PRKCZ: variants seen among roughly 807,000 people sequenced by gnomAD.
PRKCZ encodes protein kinase C zeta, also known as protein kinase C zeta type.
PRKCZ carries 33 observed loss-of-function variants against 79.5 expected under a neutral mutation model. The observed-to-expected ratio is 0.41, with a 90% confidence interval of 0.31 to 0.55. PRKCZ has a LOEUF of 0.55. Among genes scored for constraint, PRKCZ ranks in the 20% least tolerant of loss-of-function variants. The pLI, the probability that PRKCZ is intolerant of heterozygous loss-of-function variation, is 0.19. For synonymous variants in PRKCZ, 342 were observed against 320.9 expected, an observed-to-expected ratio of 1.07 and a Z score of -0.70; for missense variants, 578 against 813.5, an observed-to-expected ratio of 0.71 and a Z score of 3.52.
At chr1:2,060,128 G>A (rs990780855) in intron 4 of PRKCZ, among the ~76,000 whole-genome samples, 3 of 152,250 alleles carry the variant, frequency 2.0e-5, no homozygotes, top group African/African-American at 7.2e-5. Context: ...CTCTCGGGCC[G>A]CGCATCCCAT....
intron 9 of PRKCZ, among the ~76,000 whole-genome samples, chr1:2,155,501 G>T (rs890356081): frequency 6.6e-6 from 1 of 151,458 alleles, no homozygotes; most frequent in East Asian, 1.9e-4. Context: ...TGGTAACAGC[G>T]ACAGTGATGG....
chr1:2,175,640 C>CG (rs1412471678), intron 16 of PRKCZ, among the ~76,000 whole-genome samples: 1 of 151,526 alleles, frequency 6.6e-6, no homozygotes, highest in Non-Finnish European at 1.5e-5. Context: ...TGTGTGAGCT[C>CG]GCGCACCGCC....
chr1:2,050,369 C>G (rs1004183038), upstream of PRKCZ: 1 of 168,704 alleles, frequency 5.9e-6, no homozygotes, highest in African/African-American at 2.4e-5. Context: ...CCGGGACCGC[C>G]CGCCCCGCGG....
chr1:2,065,056 T>C (rs1661005212), intron 4 of PRKCZ, among the ~76,000 whole-genome samples: 1 of 152,234 alleles, frequency 6.6e-6, no homozygotes, highest in African/African-American at 2.4e-5. Context: ...CTTGTACAAG[T>C]CTTTCACCCC....
At chr1:2,121,432 GTAGTTAGAGTCATGGCGGTAGT>G (rs1428026958) in intron 4 of PRKCZ, among the ~76,000 whole-genome samples, 142 of 141,162 alleles carry the variant, frequency 1.0e-3, no homozygotes, top group African/African-American at 3.1e-3. Context: ...CCTTTGACAG[GTAGTTAGAGTCATGGCGGTAGT>G]TAGTTAGAGT....
At chr1:2,091,612 G>C (rs1665517466) in intron 4 of PRKCZ, among the ~76,000 whole-genome samples, 1 of 152,158 alleles carries the variant, frequency 6.6e-6, no homozygotes, top group Non-Finnish European at 1.5e-5. Context: ...GGTGGTTGGT[G>C]ATGTTGAGCC....
At chr1:2,107,645 G>A (rs1371969632) in intron 4 of PRKCZ, among the ~76,000 whole-genome samples, 1 of 152,204 alleles carries the variant, frequency 6.6e-6, no homozygotes, top group East Asian at 1.9e-4. Flanking sequence ...AGCCCTGCGA[G>A]GTGCAGGCCT....
intron 5 of PRKCZ, among the ~76,000 whole-genome samples, chr1:2,138,264 C>T (rs1014552300): frequency 1.3e-5 from 2 of 152,176 alleles, no homozygotes; most frequent in East Asian, 1.9e-4. Context: ...AGTGGGCATC[C>T]GTCGCTGGGG....
At position 2,172,097 on chromosome 1, in the gene PRKCZ, C is replaced by T. The variant is rs145709686; in HGVS notation, c.1104C>T (p.His368=). ...AEICIALNFL[H]ERGIIYRDLK... ...TCTGCATCGCCCTCAACTTCCTGCA[C>T]GAGAGGGGGATCATCTACAGGGACC... The change falls in exon 12 of 18, where the codon CAC becomes CAT. Residue 368 remains histidine (H), a synonymous_variant. Transcript: ENST00000378567. This position sits in a 1 kb window ranked among gnomAD's most constrained non-coding sequence, Gnocchi z 7.8. 79 of 1,613,218 alleles carry T rather than the reference C, an allele frequency of 4.9e-5. No individual in the cohort carries two copies. In the African/African-American group the frequency reaches 5.9e-4, roughly 12 times the overall value.
At position 2,104,607 on chromosome 1, in the gene PRKCZ, C is replaced by G. The variant is rs116572864; in HGVS notation, c.335-30655C>G. 753 of 887,140 alleles carry G rather than the reference C, an allele frequency of 8.5e-4. 10 individuals carry two copies. In the African/African-American group the frequency reaches 0.013, roughly 15 times the overall value. The allele number at this position is 887,140 out of a possible 1,614,324, so 55.0% of individuals were successfully genotyped here. On this transcript the variant is annotated intron_variant, in intron 4 of 17. Transcript: ENST00000378567. ...AATCCCAGGTGGCAGGGGATGGCCGCGATGAGGCCCTGGGGTGGAGCCCAG... is the reference window on the plus strand; with the variant it reads ...AATCCCAGGTGGCAGGGGATGGCCGGGATGAGGCCCTGGGGTGGAGCCCAG...
intron 4 of PRKCZ, among the ~76,000 whole-genome samples, chr1:2,095,758 C>A (rs1666362197): frequency 6.8e-6 from 1 of 147,056 alleles, no homozygotes; most frequent in African/African-American, 2.5e-5. Context: ...CTCTCCCCTC[C>A]TTTCCGCTCC....
intron 10 of PRKCZ, among the ~76,000 whole-genome samples, chr1:2,166,492 C>T (rs1007570747): frequency 7.9e-5 from 12 of 152,216 alleles, no homozygotes; most frequent in Admixed American, 7.2e-4. Flanking sequence ...GCTTGCTCCT[C>T]TCCCCTTGCA....
At chr1:2,086,585 A>G (rs1479835266) in intron 4 of PRKCZ, among the ~76,000 whole-genome samples, 1 of 152,084 alleles carries the variant, frequency 6.6e-6, no homozygotes, top group African/African-American at 2.4e-5. Context: ...TCCAGGCTGG[A>G]CCTGGCCGTT....
At chr1:2,074,872 A>C (rs2102329429) in intron 4 of PRKCZ, 1 of 151,516 alleles carries the variant, frequency 6.6e-6, no homozygotes, top group South Asian at 2.1e-4. Flanking sequence ...TAAAAAAAAA[A>C]ACAACAAAAA....
At chr1:2,175,476 C>T (rs1387597970) in intron 16 of PRKCZ, among the ~76,000 whole-genome samples, 163 bp downstream of exon 16, 3 of 143,068 alleles carry the variant, frequency 2.1e-5, no homozygotes, top group Non-Finnish European at 4.6e-5. Flanking sequence ...CCTCACCCCA[C>T]CACCAACCCA....
intron 10 of PRKCZ, among the ~76,000 whole-genome samples, chr1:2,160,263 G>A (rs1045883790): frequency 6.6e-6 from 1 of 152,022 alleles, no homozygotes; most frequent in Non-Finnish European, 1.5e-5. Flanking sequence ...GTGTGTGTGT[G>A]TGTGTGTGTC....
chr1:2,093,290 C>T (rs1426136157), intron 4 of PRKCZ, among the ~76,000 whole-genome samples: 2 of 152,116 alleles, frequency 1.3e-5, no homozygotes, highest in Non-Finnish European at 2.9e-5. Flanking sequence ...TTCCTGCGCC[C>T]TGTTTACCAC....
In PRKCZ at chr1:2,157,184, C is replaced by T. The variant is rs996120430; in HGVS notation, c.974+1092C>T. Among the ~76,000 whole-genome samples, 6 of 152,244 alleles carry T rather than the reference C, an allele frequency of 3.9e-5. 1 individual carries two copies. Among genetic ancestry groups the T allele is most frequent in the East Asian group, 1.9e-4 (1 of 5,178 alleles). Reference sequence around the variant, plus strand: ...TTCCTCCTCCTTCTTGTTCTCTTCACGTCCCCAGGGGCCTGGATGATGCCA... The same window carrying T: ...TTCCTCCTCCTTCTTGTTCTCTTCATGTCCCCAGGGGCCTGGATGATGCCA... On this transcript the variant is annotated intron_variant, in intron 10 of 17. Transcript: ENST00000378567.
intron 4 of PRKCZ, among the ~76,000 whole-genome samples, chr1:2,101,615 G>A (rs1212976130): frequency 6.6e-6 from 1 of 152,228 alleles, no homozygotes; most frequent in African/African-American, 2.4e-5. Context: ...CGGGGCAAAG[G>A]TCTTCAAGTG....
Sources: allele counts gnomAD v4.1 joint callset (sites outside exome capture counted in the v4.1 genomes callset), GRCh38; gene constraint gnomAD v4.1.1; non-coding constraint Gnocchi (gnomAD v3.1); transcripts MANE v1.5; gene names NCBI Gene and HGNC (gene_info 2026-07-23, HGNC 2026-07-21).